Variants in MTCL1 observed in about 807,000 individuals in gnomAD.
The protein encoded by MTCL1 is microtubule crosslinking factor 1.
A neutral mutation model predicts 141.4 loss-of-function variants in MTCL1; 79 were observed. The observed-to-expected ratio is 0.56, with a 90% CI of 0.47 to 0.67. The LOEUF (loss-of-function observed/expected upper bound fraction) is 0.67. MTCL1 is among the 30% of genes least tolerant of loss of function. The pLI, the probability that MTCL1 is intolerant of heterozygous loss-of-function variation, is 0.00. For missense variants in MTCL1, 2,177 were observed against 2,113.9 expected (o/e 1.03, Z -0.59); for synonymous variants, 914 against 875.8 (o/e 1.04, Z -0.77).
intron 4 of MTCL1, among the ~76,000 whole-genome samples, chr18:8,760,641 C>T (rs2096427334): frequency 6.6e-6 from 1 of 152,172 alleles, no homozygotes; most frequent in African/African-American, 2.4e-5. Flanking sequence ...TCCATTATTT[C>T]CAACTTTCTT....
intron 5 of MTCL1, among the ~76,000 whole-genome samples, chr18:8,781,526 C>G (rs1160336161): frequency 6.6e-6 from 1 of 152,174 alleles, no homozygotes; most frequent in Non-Finnish European, 1.5e-5. Flanking sequence ...GAAAAAGACT[C>G]TTTACCGGCT....
At chr18:8,796,900 C>A (rs1018874666) in intron 9 of MTCL1, among the ~76,000 whole-genome samples, 2 of 152,148 alleles carry the variant, frequency 1.3e-5, no homozygotes, top group Non-Finnish European at 2.9e-5. Context: ...TGTACATATT[C>A]ATGGGATACA....
chr18:8,798,568 G>C (rs1417429934), intron 10 of MTCL1, among the ~76,000 whole-genome samples: 1 of 152,152 alleles, frequency 6.6e-6, no homozygotes, highest in African/African-American at 2.4e-5. Context: ...GTCGCTGCTG[G>C]GGCCAGTGAA....
intron 4 of MTCL1, among the ~76,000 whole-genome samples, chr18:8,762,513 G>A (rs2096437623): frequency 6.6e-6 from 1 of 152,260 alleles, no homozygotes; most frequent in Non-Finnish European, 1.5e-5. Context: ...GAACAGTCGG[G>A]GTGATGGAGT....
At chr18:8,739,717 TTTTG>T (rs910627624) in intron 4 of MTCL1, among the ~76,000 whole-genome samples, 2 of 119,046 alleles carry the variant, frequency 1.7e-5, no homozygotes, top group Admixed American at 9.3e-5. Context: ...AAGGAGATTG[TTTTG>T]TTTGTTTGTT....
intron 4 of MTCL1, among the ~76,000 whole-genome samples, chr18:8,749,705 A>G (rs2096360571): frequency 6.6e-6 from 1 of 152,194 alleles, no homozygotes; most frequent in African/African-American, 2.4e-5. Context: ...AGTGCCTCCC[A>G]CTGGCCCTGG....
chr18:8,709,939 A>G (rs967271111), intron 1 of MTCL1, among the ~76,000 whole-genome samples: 37 of 152,040 alleles, frequency 2.4e-4, no homozygotes, highest in Non-Finnish European at 4.3e-4. Context: ...TCCCAGATTC[A>G]AGCAGTTCTC....
rs764513444 is a variant in MTCL1, at chr18:8,798,070, G to A, written c.2242-27G>A. 4.5e-6 allele frequency: 7 copies of A among 1,551,554 alleles called. No individual in the cohort carries two copies. The Admixed American group carries it at 6.7e-5, about 15-fold the overall frequency. On this transcript the variant is annotated intron_variant, in intron 9 of 16. Coordinates refer to ENST00000359865, the Ensembl canonical transcript of MTCL1. ...ACAGCAAAAGAATTTGGCTGAAGCTGTGATCGTCACCTCCTGCCTGTTTCA... is the reference window on the plus strand; with the variant it reads ...ACAGCAAAAGAATTTGGCTGAAGCTATGATCGTCACCTCCTGCCTGTTTCA...
intron 10 of MTCL1, among the ~76,000 whole-genome samples, chr18:8,805,602 C>T (rs1568072625): frequency 6.6e-6 from 1 of 151,862 alleles, no homozygotes; most frequent in African/African-American, 2.4e-5. Context: ...GTGTGTAGAA[C>T]CTGAAGGAGG....
exon 15 of MTCL1, chr18:8,826,095 A>G (rs1159871730): frequency 2.5e-6 from 4 of 1,611,568 alleles, no homozygotes; most frequent in Non-Finnish European, 3.4e-6. Context: ...GCTCACTGAG[A>G]ACGTGGCCCG....
At chr18:8,794,540 G>A (rs578193685) in intron 8 of MTCL1, among the ~76,000 whole-genome samples, 2 of 152,294 alleles carry the variant, frequency 1.3e-5, no homozygotes, top group Admixed American at 6.5e-5. Context: ...GTGTCTCAGC[G>A]CCTCTCCACA....
chr18:8,731,594 A>G (rs1237926416), intron 4 of MTCL1, among the ~76,000 whole-genome samples: 2 of 152,246 alleles, frequency 1.3e-5, no homozygotes, highest in Admixed American at 6.5e-5. Context: ...AATAATAATT[A>G]AAATATAGAC....
intron 4 of MTCL1, among the ~76,000 whole-genome samples, chr18:8,775,172 G>C (rs536978157): frequency 6.6e-6 from 1 of 152,162 alleles, no homozygotes; most frequent in Non-Finnish European, 1.5e-5. Flanking sequence ...CCCTCACTGC[G>C]GGCCCTGATC....
chr18:8,711,161 T>C (rs2096089654), intron 1 of MTCL1, among the ~76,000 whole-genome samples: 1 of 151,232 alleles, frequency 6.6e-6, no homozygotes, highest in Admixed American at 6.6e-5. Flanking sequence ...GTTCTTGTGA[T>C]AGTTTACTGA....
chr18:8,813,969 A>G (rs2076571453), intron 12 of MTCL1, among the ~76,000 whole-genome samples: 2 of 152,170 alleles, frequency 1.3e-5, no homozygotes, highest in African/African-American at 4.8e-5. Context: ...CCCTGGCTGG[A>G]TTTTTACATA....
At chr18:8,785,379 C>T (rs767739140) in intron 6 of MTCL1, among the ~76,000 whole-genome samples, 25 of 152,214 alleles carry the variant, frequency 1.6e-4, no homozygotes, top group African/African-American at 3.6e-4. Context: ...CCAAAGCGGG[C>T]GAGGAGCACG....
At chr18:8,821,957 G>A (rs1231518199) in intron 14 of MTCL1, among the ~76,000 whole-genome samples, 2 of 152,170 alleles carry the variant, frequency 1.3e-5, no homozygotes, top group African/African-American at 2.4e-5. Flanking sequence ...GTGGTTGTTA[G>A]TTACACACCA....
At chr18:8,808,841 G>T (rs575078544) in intron 11 of MTCL1, among the ~76,000 whole-genome samples, 1 of 152,350 alleles carries the variant, frequency 6.6e-6, no homozygotes, top group Admixed American at 6.5e-5. Context: ...CTAGACAAGT[G>T]CTGTCCTTTA....
chr18:8,745,185 ATAATT>A (rs1456915353), intron 4 of MTCL1, among the ~76,000 whole-genome samples: 15 of 152,258 alleles, frequency 9.9e-5, no homozygotes, highest in African/African-American at 3.4e-4. Flanking sequence ...TGTAAACTAA[ATAATT>A]TAAAGAATAG....
Sources: allele counts gnomAD v4.1 joint callset (sites outside exome capture counted in the v4.1 genomes callset), GRCh38; gene constraint gnomAD v4.1.1; transcripts MANE v1.5; gene names NCBI Gene and HGNC (gene_info 2026-07-23, HGNC 2026-07-21).